NR1D2: variants seen among roughly 807,000 people sequenced by gnomAD.
NR1D2 encodes V-erbA-related protein 1-related.
Under a neutral mutation model 52.2 loss-of-function variants are expected in NR1D2, and 25 were observed. That is an observed-to-expected ratio of 0.48 (90% CI 0.35 to 0.67). The LOEUF is 0.67. Among genes scored for constraint, NR1D2 ranks in the 30% least tolerant of loss-of-function variants. The pLI, the probability that NR1D2 is intolerant of heterozygous loss-of-function variation, is 0.01. For synonymous variants in NR1D2, 259 were observed against 230.1 expected (o/e 1.13, Z -1.14); for missense variants, 681 against 707.2 (o/e 0.96, Z 0.42).
At chr3:23,977,096 CT>C in intron 7 of NR1D2, 126 bp from the exon 8 acceptor site, 1 of 480,926 alleles carries the variant, frequency 2.1e-6, no homozygotes, top group Non-Finnish European at 3.5e-6. Context: ...CAACTTTTGC[CT>C]TTATTCAGAT....
rs201464113 is a variant in NR1D2, at chr3:23,956,033, C to T, written c.284-4C>T. Reference sequence around the variant, plus strand: ...TTTTTACTTCGTGTCCTTTTGTGTCCTAGAATTTAGTGGCATGGTTCTACT... The same window carrying T: ...TTTTTACTTCGTGTCCTTTTGTGTCTTAGAATTTAGTGGCATGGTTCTACT... On this transcript the variant is annotated splice_polypyrimidine_tract_variant and splice_region_variant and intron_variant, in intron 2 of 7. Coordinates refer to ENST00000312521, the MANE Select transcript of NR1D2 (RefSeq NM_005126.5). 78 of 1,610,686 alleles carry T rather than the reference C, an allele frequency of 4.8e-5. No homozygotes were observed. The East Asian group carries it at 1.6e-3, about 33-fold the overall frequency.
Position 23,949,279 on chromosome 3 carries a change from C to T in NR1D2, c.16+3685C>T, listed in dbSNP as rs144064459. Reference sequence around the variant, plus strand: ...ACTTGGGAGACTGAGGCAGGAGAATCGCTTGAACCGAGGAGGCGGAGGTGG... The same window carrying T: ...ACTTGGGAGACTGAGGCAGGAGAATTGCTTGAACCGAGGAGGCGGAGGTGG... On this transcript the variant is annotated intron_variant, in intron 1 of 7. Transcript: ENST00000312521. Among the ~76,000 whole-genome samples, 6 of 151,906 alleles carry T rather than the reference C, an allele frequency of 3.9e-5. No individual in the cohort carries two copies. In the South Asian group the frequency reaches 6.2e-4, roughly 16 times the overall value.
intron 7 of NR1D2, among the ~76,000 whole-genome samples, chr3:23,970,376 G>T (rs1248140417): frequency 2.0e-5 from 3 of 152,108 alleles, no homozygotes; most frequent in Admixed American, 2.0e-4. Context: ...ATAGGAACAT[G>T]ATTTTTAGTT....
In NR1D2 at chr3:23,954,789, A is replaced by G; in HGVS notation, c.269A>G (p.His90Arg). Reference sequence around the variant, plus strand: ...AGTGCACCTGGGATGACAAAAAGTCATAGTGGTGTGACAAGTAAGTTACTT... The same window carrying G: ...AGTGCACCTGGGATGACAAAAAGTCGTAGTGGTGTGACAAGTAAGTTACTT... The part of the protein sequence containing the change: ...KSSAPGMTKS[H>R]SGVTKFSGMV... The change falls in exon 2 of 8, where the codon CAT becomes CGT. Residue 90 changes from histidine (H) to arginine (R), a missense_variant. By Grantham distance (29) the His-to-Arg change is conservative. Transcript: ENST00000312521. The G allele has an allele frequency of 6.2e-7, 1 of 1,613,756 alleles. No homozygotes were observed. The highest frequency in any genetic ancestry group is 8.5e-7 in the Non-Finnish European group (1 of 1,179,644).
chr3:23,950,399 A>G (rs116020214), intron 1 of NR1D2, among the ~76,000 whole-genome samples: 2,034 of 152,384 alleles, frequency 0.013, 41 homozygotes, highest in African/African-American at 0.046. Flanking sequence ...GTTAATTCAC[A>G]GAGTTCTTCT....
At chr3:23,974,397 C>T (rs929554884) in intron 7 of NR1D2, among the ~76,000 whole-genome samples, 4 of 151,970 alleles carry the variant, frequency 2.6e-5, no homozygotes, top group South Asian at 2.1e-4. Context: ...CGTCACTGGG[C>T]GATAGGAATT....
chr3:23,957,390 C>CTT lies in NR1D2; in HGVS notation c.372+1289_372+1290dup, dbSNP rs201651739. Among the ~76,000 whole-genome samples the CTT allele has an allele frequency of 3.3e-3, 364 of 110,488 alleles. 8 individuals carry two copies. The highest frequency in any genetic ancestry group is 0.011 in the African/African-American group (297 of 27,848). 72.5% of individuals were successfully genotyped at this position (110,488 alleles called of 152,430 possible). Reference sequence around the variant, plus strand: ...AAAAAGATTCTCCTTCTCTATATATCTTTTTTTTTTTTTTTTTTTTTTTTT... The same window carrying CTT: ...AAAAAGATTCTCCTTCTCTATATATCTTTTTTTTTTTTTTTTTTTTTTTTTTT... On this transcript the variant is annotated intron_variant, in intron 3 of 7. Coordinates refer to ENST00000312521, the MANE Select transcript of NR1D2 (RefSeq NM_005126.5).
intron 2 of NR1D2, 65 bp downstream of exon 2, chr3:23,954,868 T>G: frequency 6.6e-7 from 1 of 1,505,538 alleles, no homozygotes; most frequent in Non-Finnish European, 9.1e-7. Flanking sequence ...TTTTATCAGC[T>G]TTTCATTTAG....
At chr3:23,948,012 T>C (rs1341731186) in intron 1 of NR1D2, among the ~76,000 whole-genome samples, 1 of 151,490 alleles carries the variant, frequency 6.6e-6, no homozygotes, top group African/African-American at 2.4e-5. Context: ...CAGCTACTTA[T>C]GAGGCTGAGC....
At chr3:23,953,441 A>G (rs1705999780) in intron 1 of NR1D2, among the ~76,000 whole-genome samples, 1 of 150,480 alleles carries the variant, frequency 6.6e-6, no homozygotes, top group African/African-American at 2.4e-5. Flanking sequence ...AGCTCTGTGT[A>G]GAGGGAATTA....
At chr3:23,950,859 C>G (rs996071239) in intron 1 of NR1D2, among the ~76,000 whole-genome samples, 1 of 151,714 alleles carries the variant, frequency 6.6e-6, no homozygotes, top group African/African-American at 2.4e-5. Context: ...AATTTTTAAG[C>G]CATCTGCATA....
rs547047712 is a variant in NR1D2 at position 23,980,245 on chromosome 3, G to A, written c.*2826G>A. 1.1e-4 allele frequency: 16 copies of A among 152,178 alleles called. No individual in the cohort carries two copies. Among genetic ancestry groups the A allele is most frequent in the South Asian group, 2.1e-4 (1 of 4,830 alleles). The allele number at this position is 152,178 out of a possible 1,614,324, so 9.4% of individuals were successfully genotyped here. Reference sequence around the variant, plus strand: ...CTCAGCTAGATTTATTACTGTGCACGAAAGTAAATACCTATCTCAATTATT... The same window carrying A: ...CTCAGCTAGATTTATTACTGTGCACAAAAGTAAATACCTATCTCAATTATT... On this transcript the variant is annotated 3_prime_UTR_variant, in exon 8 of 8. Coordinates refer to ENST00000312521, the MANE Select transcript of NR1D2 (RefSeq NM_005126.5).
chr3:23,976,973 T>C (rs1268528143), intron 7 of NR1D2, among the ~76,000 whole-genome samples: 1 of 149,698 alleles, frequency 6.7e-6, no homozygotes, highest in Admixed American at 6.7e-5. Flanking sequence ...TTCTTGTGAA[T>C]AAAAATTCTT....
intron 5 of NR1D2, 26 bp from the exon 6 acceptor site, chr3:23,964,951 G>A: frequency 2.0e-6 from 3 of 1,495,858 alleles, no homozygotes; most frequent in Non-Finnish European, 2.7e-6. Context: ...TAGTATTTAA[G>A]AGTTTTTCCG....
chr3:23,962,463 C>A lies in NR1D2; in HGVS notation c.1004C>A (p.Ala335Asp). Residue 335 changes from alanine to aspartate, a missense_variant, in exon 5 of 8, where the codon GCC (alanine) becomes GAC (aspartate). This residue lies in a region of NR1D2 where 475 missense variants were observed against 454.5 expected (regional missense o/e 1.05). Coordinates refer to ENST00000312521, the MANE Select transcript of NR1D2 (RefSeq NM_005126.5). ...RNIMHYPNGH[A>D]ICIANGHCMN... ...ATAATGCATTACCCAAATGGTCATG[C>A]CATTTGTATTGCAAATGGACATTGT... 1 of 1,614,154 alleles carries A rather than the reference C, an allele frequency of 6.2e-7. No homozygotes were observed. Among genetic ancestry groups the A allele is most frequent in the Non-Finnish European group, 8.5e-7 (1 of 1,180,016 alleles).
intron 1 of NR1D2, among the ~76,000 whole-genome samples, 176 bp downstream of exon 1, chr3:23,945,770 C>T (rs72627094): frequency 0.14 from 21,390 of 150,246 alleles, 2,168 homozygotes; most frequent in African/African-American, 0.27. Context: ...CCGCCCGGCG[C>T]CCGCCCTCTT....
intron 7 of NR1D2, among the ~76,000 whole-genome samples, chr3:23,971,349 A>G (rs1706585829): frequency 8.3e-6 from 1 of 120,884 alleles, no homozygotes; most frequent in Non-Finnish European, 1.6e-5. Flanking sequence ...TCTGTCACCC[A>G]GGCTGGAGTG....
intron 7 of NR1D2, among the ~76,000 whole-genome samples, chr3:23,971,301 C>CCATTTTTTTTTTT (rs201185985): frequency 1.8e-5 from 2 of 110,852 alleles, no homozygotes; most frequent in Non-Finnish European, 1.8e-5. Context: ...ATCTCTATAC[C>CCATTTTTTTTTTT]TATTTTTTTT....
At chr3:23,953,368 A>T (rs1170676300) in intron 1 of NR1D2, among the ~76,000 whole-genome samples, 1 of 150,694 alleles carries the variant, frequency 6.6e-6, no homozygotes, top group Non-Finnish European at 1.5e-5. Flanking sequence ...AAAAAAAAAA[A>T]AAATGCCAGT....
Sources: gnomAD v4.1 joint callset for allele counts (sites outside exome capture counted in the v4.1 genomes callset) on GRCh38, gnomAD v4.1.1 for gene constraint, gnomAD v4.1.1 regional missense constraint, MANE v1.5 for transcripts, NCBI Gene and HGNC (gene_info 2026-07-23, HGNC 2026-07-21) for gene names.